Variants in STT3B observed in about 807,000 individuals in gnomAD.
The protein encoded by STT3B is STT3 oligosaccharyltransferase complex catalytic subunit B, also known as dolichyl-diphosphooligosaccharide--protein glycosyltransferase subunit STT3B.
A neutral mutation model predicts 96.8 loss-of-function variants in STT3B; 29 were observed. That is an observed-to-expected ratio of 0.30 (90% confidence interval 0.22 to 0.41). STT3B has a LOEUF of 0.41. Among genes scored for constraint, STT3B ranks in the 10% least tolerant of loss-of-function variants. The pLI, the probability that STT3B is intolerant of heterozygous loss-of-function variation, is 1.00. For missense variants in STT3B, 640 were observed against 1,022.3 expected (o/e 0.63, Z 5.10); for synonymous variants, 367 against 360.0 (o/e 1.02, Z -0.22).
At chr3:31,610,457 G>A (rs904288021) in intron 5 of STT3B, among the ~76,000 whole-genome samples, 1 of 143,054 alleles carries the variant, frequency 7.0e-6, no homozygotes, top group African/African-American at 2.5e-5. Context: ...ACTTAAAAGT[G>A]TAAAGAGCAC....
intron 5 of STT3B, among the ~76,000 whole-genome samples, chr3:31,601,129 A>G (rs1284614894): frequency 6.6e-6 from 1 of 152,226 alleles, no homozygotes; most frequent in Non-Finnish European, 1.5e-5. Flanking sequence ...TTTCAAAAGC[A>G]TAGTAGCTTG....
At position 31,576,424 on chromosome 3, in the gene STT3B, G is replaced by A; in HGVS notation, c.343G>A (p.Ala115Thr). The A allele has an allele frequency of 6.2e-7, 1 of 1,601,596 alleles. No individual in the cohort carries two copies. Among genetic ancestry groups the A allele is most frequent in the South Asian group, 1.1e-5 (1 of 89,168 alleles). Residue 115 changes from alanine to threonine, a missense_variant, in exon 2 of 16, where the codon GCA becomes ACA. By Grantham distance (58) the Ala-to-Thr change is moderately conservative. Coordinates refer to ENST00000295770, the MANE Select transcript of STT3B (RefSeq NM_178862.3). ...TAACTATAGATCAACACATCATCTT[G>A]CATCTCATGGGTTCTATGAATTTTT... ...WFNYRSTHHLASHGFYEFLNW... is the reference protein window; with the variant it reads ...WFNYRSTHHLTSHGFYEFLNW...
chr3:31,587,481 C>CT, intron 3 of STT3B, among the ~76,000 whole-genome samples: 1 of 152,152 alleles, frequency 6.6e-6, no homozygotes, highest in Non-Finnish European at 1.5e-5. Context: ...TGGCCTCAAG[C>CT]TACCCTCCCA....
intron 5 of STT3B, among the ~76,000 whole-genome samples, chr3:31,603,267 A>G (rs1043358079): frequency 4.6e-5 from 7 of 152,112 alleles, no homozygotes; most frequent in East Asian, 1.9e-4. Flanking sequence ...CTTAAAATCA[A>G]TTGTAGCACA....
intron 1 of STT3B, among the ~76,000 whole-genome samples, chr3:31,550,502 C>A (rs1396164504): frequency 6.6e-6 from 1 of 152,178 alleles, no homozygotes; most frequent in African/African-American, 2.4e-5. Context: ...TACAGTGTCA[C>A]ATTTATGGTG....
At chr3:31,613,132 A>T (rs1699222065) in intron 5 of STT3B, among the ~76,000 whole-genome samples, 1 of 152,070 alleles carries the variant, frequency 6.6e-6, no homozygotes, top group African/African-American at 2.4e-5. Flanking sequence ...AGGACTATAG[A>T]GGGGTAGTGG....
chr3:31,565,983 T>C (rs1697994748), intron 1 of STT3B, among the ~76,000 whole-genome samples: 1 of 152,174 alleles, frequency 6.6e-6, no homozygotes, highest in Non-Finnish European at 1.5e-5. Context: ...TAGATATAGA[T>C]CTATAGATAC....
At position 31,626,188 on chromosome 3, in the gene STT3B, T is replaced by C. The variant is rs1327723587; in HGVS notation, c.2073+61T>C. 14 of 1,431,772 alleles carry C rather than the reference T, an allele frequency of 9.8e-6. No homozygotes were observed. In the East Asian group the frequency reaches 2.5e-4, roughly 26 times the overall value. 88.7% of individuals were successfully genotyped at this position (1,431,772 alleles called of 1,614,324 possible). On this transcript the variant is annotated intron_variant, in intron 13 of 15. Coordinates refer to ENST00000295770, the MANE Select transcript of STT3B (RefSeq NM_178862.3). ...AGCTCACTGTGTCCTCGTAATTCTC[T>C]CATCTTGCTAATTGCATTGTATTTG... is the stretch of plus-strand genomic sequence containing the variant.
At chr3:31,535,298 G>A (rs1697060085) in intron 1 of STT3B, among the ~76,000 whole-genome samples, 1 of 151,356 alleles carries the variant, frequency 6.6e-6, no homozygotes. Flanking sequence ...AACAAGTAAA[G>A]TGGCTAATAT....
chr3:31,631,137 G>A (rs950806752), intron 14 of STT3B, among the ~76,000 whole-genome samples: 4 of 152,174 alleles, frequency 2.6e-5, no homozygotes, highest in African/African-American at 9.7e-5. Flanking sequence ...TGGCTAATAT[G>A]GACTAGAATA....
At chr3:31,597,881 G>T (rs1698828748) in intron 4 of STT3B, among the ~76,000 whole-genome samples, 1 of 149,608 alleles carries the variant, frequency 6.7e-6, no homozygotes, top group Admixed American at 6.7e-5. Context: ...TGTTGCCTAG[G>T]CTGGAGTGCA....
chr3:31,557,175 G>A (rs1019574517), intron 1 of STT3B, among the ~76,000 whole-genome samples: 11 of 152,126 alleles, frequency 7.2e-5, no homozygotes, highest in African/African-American at 1.7e-4. Flanking sequence ...TGAAGCCTTC[G>A]TTGAAAATCA....
intron 1 of STT3B, among the ~76,000 whole-genome samples, chr3:31,566,141 A>AC (rs1047067058): frequency 5.3e-5 from 8 of 152,304 alleles, no homozygotes; most frequent in African/African-American, 1.9e-4. Flanking sequence ...CCATTCTGGT[A>AC]CCCCACTCTT....
intron 8 of STT3B, among the ~76,000 whole-genome samples, chr3:31,618,246 A>G (rs189793807): frequency 1.5e-4 from 22 of 151,022 alleles, no homozygotes; most frequent in African/African-American, 4.6e-4. Context: ...TTGTAAGAAT[A>G]TTTAGGTTAC....
At chr3:31,581,238 G>A (rs1337815235) in intron 3 of STT3B, among the ~76,000 whole-genome samples, 2 of 152,002 alleles carry the variant, frequency 1.3e-5, no homozygotes, top group South Asian at 4.1e-4. Flanking sequence ...CCTGAGGGTG[G>A]GTGGGTGATA....
chr3:31,625,176 G>A, intron 12 of STT3B, 91 bp downstream of exon 12: 1 of 1,141,610 alleles, frequency 8.8e-7, no homozygotes, highest in Non-Finnish European at 1.2e-6. Context: ...AAATGTGGGT[G>A]AAAAGTACTC....
chr3:31,605,329 G>GT (rs915832699), intron 5 of STT3B, among the ~76,000 whole-genome samples: 15 of 151,216 alleles, frequency 9.9e-5, no homozygotes, highest in South Asian at 2.1e-4. Context: ...TGTAATAGGT[G>GT]TTTTTTTTTA....
In STT3B at chr3:31,624,925, T is replaced by C; in HGVS notation, c.1739T>C (p.Ile580Thr). 2 of 1,612,308 alleles carry C rather than the reference T, an allele frequency of 1.2e-6. No individual in the cohort carries two copies. The highest frequency in any genetic ancestry group is 1.7e-6 in the Non-Finnish European group (2 of 1,178,932). Residue 580 changes from isoleucine (I) to threonine (T), a missense_variant, in exon 12 of 16, where the codon ATC becomes ACC. Physicochemically the swap from Ile to Thr is moderately conservative, Grantham distance 89. This residue lies in a region of STT3B where 149 missense variants were observed against 250.2 expected (regional missense o/e 0.60). Transcript: ENST00000295770. ...ASYNHDGTRNILDDFREAYFW... is the reference protein window; with the variant it reads ...ASYNHDGTRNTLDDFREAYFW... Reference sequence around the variant, plus strand: ...GTGATTCTTTTCAGCACCAGGAATATCTTAGATGATTTTAGAGAAGCTTAC... The same window carrying C: ...GTGATTCTTTTCAGCACCAGGAATACCTTAGATGATTTTAGAGAAGCTTAC...
intron 1 of STT3B, among the ~76,000 whole-genome samples, chr3:31,559,626 A>G (rs1414701345): frequency 2.0e-5 from 3 of 151,986 alleles, no homozygotes; most frequent in African/African-American, 7.2e-5. Flanking sequence ...TGTATGGTCT[A>G]TCCTGGAGAA....
Sources: allele counts gnomAD v4.1 joint callset (sites outside exome capture counted in the v4.1 genomes callset), GRCh38; gene constraint gnomAD v4.1.1; regional missense constraint gnomAD v4.1.1; transcripts MANE v1.5; gene names NCBI Gene and HGNC (gene_info 2026-07-23, HGNC 2026-07-21).